The following CHLSN variants were observed in gnomAD, a reference collection of about 807,000 sequenced individuals.
CHLSN encodes cholesin, also known as protein cholesin.
the CHLSN span, among the ~76,000 whole-genome samples, chr7:991,812 T>A: frequency 6.6e-6 from 1 of 152,198 alleles, no homozygotes; most frequent in Admixed American, 6.5e-5. Context: ...AGCCTCCTCA[T>A]CTTCCCGGGC....
the CHLSN span, among the ~76,000 whole-genome samples, chr7:1,070,894 G>GCACACACATGCACGCA: frequency 2.1e-5 from 3 of 145,040 alleles, no homozygotes; most frequent in Non-Finnish European, 4.5e-5. Flanking sequence ...GCACACACGT[G>GCACACACATGCACGCA]CACACACATG....
the CHLSN span, chr7:986,805 G>T: frequency 1.3e-6 from 2 of 1,539,066 alleles, no homozygotes; most frequent in African/African-American, 1.4e-5. Context: ...CAGGTGTGTC[G>T]GGACCCAAGA....
chr7:1,031,907 G>T, the CHLSN span, among the ~76,000 whole-genome samples: 1 of 152,068 alleles, frequency 6.6e-6, no homozygotes, highest in African/African-American at 2.4e-5. Context: ...ACCACCCGGG[G>T]AACGGGCCGA....
the CHLSN span, among the ~76,000 whole-genome samples, chr7:1,097,136 G>A: frequency 6.6e-6 from 1 of 152,220 alleles, no homozygotes; most frequent in African/African-American, 2.4e-5. This position sits in a 1 kb window ranked among gnomAD's most constrained non-coding sequence, Gnocchi z 4.3. Context: ...GACTACGCGA[G>A]TACGTTTGAA....
At chr7:986,489 C>A in the CHLSN span, 1 of 1,022,240 alleles carries the variant, frequency 9.8e-7, no homozygotes, top group Non-Finnish European at 1.5e-6. Flanking sequence ...AGGGTCCCCC[C>A]GTTCTGTGGC....
chr7:1,066,585 T>TCTAC, the CHLSN span, among the ~76,000 whole-genome samples: 1 of 152,222 alleles, frequency 6.6e-6, no homozygotes, highest in South Asian at 2.1e-4. Context: ...GACGAGGGGT[T>TCTAC]CTACCTGCCC....
chr7:1,136,455 C>CATATATATAA, the CHLSN span, among the ~76,000 whole-genome samples: 5 of 99,872 alleles, frequency 5.0e-5, no homozygotes, highest in Non-Finnish European at 7.4e-5. Flanking sequence ...TATATATAAA[C>CATATATATAA]ATATATAAAC....
the CHLSN span, among the ~76,000 whole-genome samples, chr7:1,099,844 G>A: frequency 1.3e-5 from 2 of 152,228 alleles, no homozygotes; most frequent in African/African-American, 4.8e-5. Flanking sequence ...CAGAACTCCA[G>A]AGGACAAGGG....
chr7:1,032,387 G>C, the CHLSN span, among the ~76,000 whole-genome samples: 2 of 152,214 alleles, frequency 1.3e-5, no homozygotes, highest in Non-Finnish European at 2.9e-5. Flanking sequence ...AGAATCCACT[G>C]TGGAGGTGTG....
chr7:1,030,298 A>T, the CHLSN span, among the ~76,000 whole-genome samples: 17 of 152,062 alleles, frequency 1.1e-4, no homozygotes, highest in African/African-American at 4.1e-4. Context: ...TCGCACAGCC[A>T]CCCGCCTCCA....
chr7:1,101,904 C>T, the CHLSN span, among the ~76,000 whole-genome samples: 5,853 of 152,342 alleles, frequency 0.038, 164 homozygotes, highest in South Asian at 0.058. Context: ...GCTCGCTGGG[C>T]CACCGTCACC....
the CHLSN span, among the ~76,000 whole-genome samples, chr7:1,040,270 T>G: frequency 6.6e-6 from 1 of 151,388 alleles, no homozygotes; most frequent in Non-Finnish European, 1.5e-5. Context: ...GTGGGAGGAT[T>G]GCTTGAGGCC....
the CHLSN span, among the ~76,000 whole-genome samples, chr7:1,075,131 G>A: frequency 6.6e-6 from 1 of 152,288 alleles, no homozygotes; most frequent in East Asian, 1.9e-4. Flanking sequence ...CCGTCCTCTG[G>A]CCTCACTGAA....
At chr7:1,100,297 G>A in the CHLSN span, among the ~76,000 whole-genome samples, 4 of 152,354 alleles carry the variant, frequency 2.6e-5, no homozygotes, top group Non-Finnish European at 4.4e-5. Flanking sequence ...CACAGGAGCC[G>A]ACAGAGGCTG....
At chr7:1,080,187 C>G in the CHLSN span, among the ~76,000 whole-genome samples, 21 of 152,238 alleles carry the variant, frequency 1.4e-4, no homozygotes, top group Non-Finnish European at 2.9e-4. Flanking sequence ...ACTGTAAGAA[C>G]CAGCGATGCC....
At chr7:1,019,230 A>G in the CHLSN span, among the ~76,000 whole-genome samples, 38 of 104,454 alleles carry the variant, frequency 3.6e-4, no homozygotes, top group Admixed American at 4.0e-4. Flanking sequence ...GGGGAGTGAA[A>G]GGGAGGGAGG....
the CHLSN span, among the ~76,000 whole-genome samples, chr7:1,005,482 G>C: frequency 6.6e-6 from 1 of 152,242 alleles, no homozygotes; most frequent in Non-Finnish European, 1.5e-5. Context: ...AGGCCCGAGC[G>C]GGGCTGGCGC....
the CHLSN span, among the ~76,000 whole-genome samples, chr7:1,097,365 A>G: frequency 6.6e-6 from 1 of 152,226 alleles, no homozygotes; most frequent in East Asian, 1.9e-4. This position sits in a 1 kb window ranked among gnomAD's most constrained non-coding sequence, Gnocchi z 4.3. Flanking sequence ...CCCAAAGGAC[A>G]CGGTGTCCTC....
At chr7:1,098,024 G>A in the CHLSN span, among the ~76,000 whole-genome samples, 5,164 of 152,248 alleles carry the variant, frequency 0.034, 287 homozygotes, top group African/African-American at 0.12. Flanking sequence ...GGAAAAGAGC[G>A]TCGTGAAGGA....
Sources: gnomAD v4.1 joint callset for allele counts (sites outside exome capture counted in the v4.1 genomes callset) on GRCh38, gnomAD v4.1.1 for gene constraint, Gnocchi (gnomAD v3.1) non-coding constraint, MANE v1.5 for transcripts, NCBI Gene and HGNC (gene_info 2026-07-23, HGNC 2026-07-21) for gene names.